ERP44: variants seen among roughly 807,000 people sequenced by gnomAD.
ERP44 encodes endoplasmic reticulum protein 44, also known as endoplasmic reticulum resident protein 44.
In ERP44, 25 loss-of-function variants were observed where a neutral mutation model predicts 53.4. The observed-to-expected ratio is 0.47, with a 90% CI of 0.34 to 0.65. The LOEUF (loss-of-function observed/expected upper bound fraction) is 0.65, where lower values mean the gene tolerates loss of function less well. ERP44 is among the 30% of genes least tolerant of loss of function. The pLI is 0.01. For missense variants in ERP44, 338 were observed against 493.2 expected (o/e 0.69, Z 2.98); for synonymous variants, 145 against 161.2 (o/e 0.90, Z 0.76).
intron 1 of ERP44, among the ~76,000 whole-genome samples, chr9:100,062,327 T>G (rs1003524193): frequency 3.3e-5 from 5 of 152,224 alleles, no homozygotes; most frequent in Non-Finnish European, 7.3e-5. Flanking sequence ...GATATGAACC[T>G]AGAGATGGGT....
intron 10 of ERP44, chr9:99,998,959 T>G (rs1381000379): frequency 1.3e-6 from 2 of 1,526,544 alleles, no homozygotes; most frequent in African/African-American, 2.7e-5. Context: ...TCTAAAAAGT[T>G]TTTATATTCT....
chr9:100,066,213 G>A (rs1826208075), intron 1 of ERP44, among the ~76,000 whole-genome samples: 2 of 152,190 alleles, frequency 1.3e-5, no homozygotes, highest in Non-Finnish European at 2.9e-5. Context: ...CCTCAAATAT[G>A]AACACAAGTA....
intron 1 of ERP44, among the ~76,000 whole-genome samples, chr9:100,088,215 AAAC>A (rs556463046): frequency 4.2e-4 from 64 of 152,372 alleles, no homozygotes; most frequent in African/African-American, 1.4e-3. Flanking sequence ...AATTATCAGT[AAAC>A]AACATACATA....
intron 10 of ERP44, among the ~76,000 whole-genome samples, chr9:99,988,442 A>G (rs2118601864): frequency 6.6e-6 from 1 of 152,336 alleles, no homozygotes; most frequent in Admixed American, 6.5e-5. Flanking sequence ...TTTTCATAGA[A>G]GGAAATTCTT....
At chr9:99,986,388 C>T (rs957108299) in intron 10 of ERP44, among the ~76,000 whole-genome samples, 10 of 151,920 alleles carry the variant, frequency 6.6e-5, no homozygotes, top group Non-Finnish European at 8.8e-5. Flanking sequence ...TCTGCTCATA[C>T]GAATTGTCTG....
intron 4 of ERP44, among the ~76,000 whole-genome samples, chr9:100,022,572 G>A (rs1379997854): frequency 1.3e-5 from 2 of 152,130 alleles, no homozygotes. Flanking sequence ...AGACGCCACA[G>A]TAAGCATGGC....
chr9:100,089,848 T>C (rs1826530725), intron 1 of ERP44, among the ~76,000 whole-genome samples: 1 of 152,114 alleles, frequency 6.6e-6, no homozygotes, highest in African/African-American at 2.4e-5. Flanking sequence ...ACATAGTATA[T>C]ATAGGGTTCG....
intron 4 of ERP44, among the ~76,000 whole-genome samples, chr9:100,026,530 T>C (rs1830654478): frequency 6.6e-6 from 1 of 152,166 alleles, no homozygotes; most frequent in South Asian, 2.1e-4. Flanking sequence ...GAAACACAGA[T>C]TGCCAATAAA....
At chr9:100,034,370 A>T (rs1295486489) in intron 4 of ERP44, among the ~76,000 whole-genome samples, 4 of 152,210 alleles carry the variant, frequency 2.6e-5, no homozygotes, top group South Asian at 4.1e-4. Context: ...ACCTTACATG[A>T]TCTAAAAAAG....
intron 1 of ERP44, among the ~76,000 whole-genome samples, chr9:100,075,195 G>C (rs191055476): frequency 1.6e-4 from 25 of 152,312 alleles, no homozygotes; most frequent in African/African-American, 5.8e-4. Flanking sequence ...ATGGATCTTG[G>C]AGAATGACAG....
At chr9:100,071,886 A>T (rs1161326699) in intron 1 of ERP44, among the ~76,000 whole-genome samples, 1 of 152,182 alleles carries the variant, frequency 6.6e-6, no homozygotes, top group Non-Finnish European at 1.5e-5. Flanking sequence ...ACGCCATTGC[A>T]CTCTAGCCTG....
Position 100,059,879 on chromosome 9 carries a change from G to A in ERP44, c.130+221C>T, listed in dbSNP as rs566525067. On this transcript the variant is annotated intron_variant, in intron 2 of 11. Transcript: ENST00000262455. ...CTAAGTAGGCTTATCAAAACATTTC[G>A]TGAATTGTTAAGAATGGTATCTATA... is the stretch of plus-strand genomic sequence containing the variant. Among the ~76,000 whole-genome samples the A allele has an allele frequency of 3.3e-5, 5 of 152,194 alleles. No individual in the cohort carries two copies. In the South Asian group the frequency reaches 6.2e-4, roughly 19 times the overall value.
intron 4 of ERP44, among the ~76,000 whole-genome samples, chr9:100,041,621 T>C (rs776455418): frequency 6.6e-6 from 1 of 152,076 alleles, no homozygotes; most frequent in Non-Finnish European, 1.5e-5. Context: ...TGAGCCGAGA[T>C]TGCGCCACTG....
intron 8 of ERP44, among the ~76,000 whole-genome samples, chr9:100,009,403 C>G (rs1376145351): frequency 6.6e-6 from 1 of 152,148 alleles, no homozygotes; most frequent in Non-Finnish European, 1.5e-5. Flanking sequence ...TGAGCCACTG[C>G]GCCCAGCCCC....
intron 1 of ERP44, among the ~76,000 whole-genome samples, chr9:100,076,930 C>T (rs2118742338): frequency 6.6e-6 from 1 of 152,326 alleles, no homozygotes; most frequent in African/African-American, 2.4e-5. Context: ...CCCATGGGCT[C>T]AGCAACATGG....
In ERP44 at chr9:99,979,381, T is replaced by C. The variant is rs2118588397; in HGVS notation, c.*3231A>G. The C allele has an allele frequency of 6.6e-6, 1 of 152,226 alleles. No homozygotes were observed. Among genetic ancestry groups the C allele is most frequent in the East Asian group, 1.9e-4 (1 of 5,178 alleles). The allele number at this position is 152,226 out of a possible 1,614,324, so 9.4% of individuals were successfully genotyped here. A position where few individuals can be genotyped will look rare whatever the true frequency, so the allele number is the denominator to read the frequency against. ...GCATTTTCTATAAATTTAAGCTTAT[T>C]GTGAGCTTGAACATTTCAAACACTT... On this transcript the variant is annotated 3_prime_UTR_variant, in exon 12 of 12. Coordinates refer to ENST00000262455, the MANE Select transcript of ERP44 (RefSeq NM_015051.3).
intron 10 of ERP44, among the ~76,000 whole-genome samples, chr9:100,003,115 G>A (rs1451715125): frequency 6.6e-6 from 1 of 151,976 alleles, no homozygotes; most frequent in Admixed American, 6.6e-5. Flanking sequence ...GTGTTCTTCA[G>A]CTCTAGAATT....
At chr9:100,008,986 G>A (rs1009121951) in intron 8 of ERP44, among the ~76,000 whole-genome samples, 2 of 152,010 alleles carry the variant, frequency 1.3e-5, no homozygotes, top group Non-Finnish European at 2.9e-5. Flanking sequence ...CAAGCAATCT[G>A]CCTGCCTCAG....
At chr9:99,991,393 T>G (rs144809424) in intron 10 of ERP44, among the ~76,000 whole-genome samples, 32 of 152,120 alleles carry the variant, frequency 2.1e-4, no homozygotes, top group African/African-American at 7.5e-4. Context: ...AATGGAAACT[T>G]AACAACCTGC....
Sources: allele counts gnomAD v4.1 joint callset (sites outside exome capture counted in the v4.1 genomes callset), GRCh38; gene constraint gnomAD v4.1.1; transcripts MANE v1.5; gene names NCBI Gene and HGNC (gene_info 2026-07-23, HGNC 2026-07-21).